ERC2: variants seen among roughly 807,000 people sequenced by gnomAD.
ERC2 encodes ERC protein 2.
A neutral mutation model predicts 114.8 loss-of-function variants in ERC2; 42 were observed. That is an observed-to-expected ratio of 0.37 (90% CI 0.29 to 0.47). ERC2 has a LOEUF of 0.47. Among genes scored for constraint, ERC2 ranks in the 20% least tolerant of loss-of-function variants. The pLI is 0.99. For missense variants in ERC2, 939 were observed against 1,150.7 expected, an observed-to-expected ratio of 0.82 and a Z score of 2.66; for synonymous variants, 454 against 425.5, an observed-to-expected ratio of 1.07 and a Z score of -0.82.
At chr3:56,334,714 T>G (rs1429630515) in intron 2 of ERC2, among the ~76,000 whole-genome samples, 3 of 152,226 alleles carry the variant, frequency 2.0e-5, no homozygotes, top group African/African-American at 7.2e-5. Context: ...TGATTGATAC[T>G]GATGGTGAAG....
chr3:56,054,477 A>T (rs535809556), intron 7 of ERC2, among the ~76,000 whole-genome samples: 1 of 152,344 alleles, frequency 6.6e-6, no homozygotes, highest in South Asian at 2.1e-4. Flanking sequence ...CATATATATG[A>T]TAGCATATTT....
intron 4 of ERC2, among the ~76,000 whole-genome samples, chr3:56,160,451 C>A (rs2081984810): frequency 6.6e-6 from 1 of 152,074 alleles, no homozygotes; most frequent in African/African-American, 2.4e-5. Context: ...TTAATAGTTT[C>A]TTCAGCTAAG....
intron 14 of ERC2, among the ~76,000 whole-genome samples, chr3:55,779,807 CTTT>C (rs1575579190): frequency 6.6e-6 from 1 of 152,118 alleles, no homozygotes; most frequent in East Asian, 1.9e-4. Flanking sequence ...AGCAGTTCTT[CTTT>C]ATCAGTGGTA....
At chr3:56,140,598 T>C (rs2080797842) in intron 5 of ERC2, among the ~76,000 whole-genome samples, 1 of 152,184 alleles carries the variant, frequency 6.6e-6, no homozygotes, top group African/African-American at 2.4e-5. Flanking sequence ...GTTCTGTTCT[T>C]AGGTTTTTTG....
At chr3:56,361,769 G>C (rs188921574) in intron 2 of ERC2, among the ~76,000 whole-genome samples, 5 of 152,320 alleles carry the variant, frequency 3.3e-5, no homozygotes, top group Admixed American at 6.5e-5. Flanking sequence ...GCAGGGACAG[G>C]GGTTAGGCCC....
intron 2 of ERC2, among the ~76,000 whole-genome samples, chr3:56,305,512 C>CCA (rs58751787): frequency 0.11 from 15,522 of 144,256 alleles, 835 homozygotes; most frequent in Admixed American, 0.15. Flanking sequence ...ACTCTCTTAT[C>CCA]CACACACACA....
intron 6 of ERC2, among the ~76,000 whole-genome samples, chr3:56,088,156 T>C (rs937389178): frequency 6.6e-6 from 1 of 152,122 alleles, no homozygotes; most frequent in African/African-American, 2.4e-5. Flanking sequence ...ACTTTCCAGA[T>C]GGTGGAGATA....
chr3:55,788,110 T>C (rs1559654667), intron 14 of ERC2, among the ~76,000 whole-genome samples: 1 of 152,194 alleles, frequency 6.6e-6, no homozygotes, highest in Non-Finnish European at 1.5e-5. Flanking sequence ...ACAGAACCAG[T>C]TAAACTCATT....
chr3:56,192,232 A>G (rs1417616862), intron 3 of ERC2, among the ~76,000 whole-genome samples: 1 of 152,166 alleles, frequency 6.6e-6, no homozygotes, highest in Non-Finnish European at 1.5e-5. Context: ...GCTCTCTAAC[A>G]TGACTCCACA....
intron 10 of ERC2, among the ~76,000 whole-genome samples, chr3:56,004,811 ATATTT>A (rs2072348203): frequency 6.6e-6 from 1 of 152,186 alleles, no homozygotes; most frequent in Admixed American, 6.6e-5. Context: ...GTAAACTTTT[ATATTT>A]AATTCACAAG....
chr3:56,188,114 C>T (rs1359978290), intron 3 of ERC2, among the ~76,000 whole-genome samples: 3 of 152,120 alleles, frequency 2.0e-5, no homozygotes, highest in South Asian at 4.2e-4. Flanking sequence ...CTGCAAGGAT[C>T]CCTGAGGTGT....
At chr3:55,732,630 T>G (rs1431940251) in intron 15 of ERC2, among the ~76,000 whole-genome samples, 1 of 152,194 alleles carries the variant, frequency 6.6e-6, no homozygotes, top group Non-Finnish European at 1.5e-5. Flanking sequence ...CCTTAAAAAT[T>G]CCTTACTGGG....
chr3:56,288,584 T>A lies in ERC2; in HGVS notation c.1074+7435A>T, dbSNP rs73832570. 3.2e-3 allele frequency among the ~76,000 whole-genome samples: 488 copies of A among 152,336 alleles called. 2 individuals are homozygous for A. The highest frequency in any genetic ancestry group is 0.011 in the African/African-American group (467 of 41,574). On this transcript the variant is annotated intron_variant, in intron 3 of 17. Coordinates refer to ENST00000288221, the MANE Select transcript of ERC2 (RefSeq NM_015576.3). Reference sequence around the variant, plus strand: ...TCAAACTTAAAAGAATGCATGAGAATTTAAAGATAAGGCAAATGATGCTAA... The same window carrying A: ...TCAAACTTAAAAGAATGCATGAGAAATTAAAGATAAGGCAAATGATGCTAA...
intron 12 of ERC2, among the ~76,000 whole-genome samples, chr3:55,980,091 A>G (rs2069975694): frequency 6.8e-6 from 1 of 147,802 alleles, no homozygotes; most frequent in East Asian, 2.0e-4. Flanking sequence ...CTATGTTTGC[A>G]CGAAGTGTAA....
At chr3:55,744,229 C>A (rs1236182385) in intron 14 of ERC2, among the ~76,000 whole-genome samples, 3 of 151,954 alleles carry the variant, frequency 2.0e-5, no homozygotes, top group Non-Finnish European at 4.4e-5. Context: ...ATGGTGAAAC[C>A]CCATCTCTAC....
chr3:55,954,775 A>G (rs764378761), intron 12 of ERC2, among the ~76,000 whole-genome samples: 1 of 152,126 alleles, frequency 6.6e-6, no homozygotes, highest in Non-Finnish European at 1.5e-5. Context: ...CCACCAAAGC[A>G]TGCCTTCCTT....
At chr3:55,732,881 T>C (rs1161523846) in intron 15 of ERC2, among the ~76,000 whole-genome samples, 1 of 152,164 alleles carries the variant, frequency 6.6e-6, no homozygotes, top group Non-Finnish European at 1.5e-5. Context: ...TTTATGGCCA[T>C]AGAGTACTGG....
At chr3:55,788,134 G>T (rs1015836227) in intron 14 of ERC2, among the ~76,000 whole-genome samples, 1 of 152,166 alleles carries the variant, frequency 6.6e-6, no homozygotes, top group Non-Finnish European at 1.5e-5. Context: ...CTTAATTACT[G>T]TTTAGGCCAA....
Position 55,631,408 on chromosome 3 carries a change from G to A in ERC2, c.*39+52386C>T, listed in dbSNP as rs146522298. On this transcript the variant is annotated intron_variant, in intron 17 of 17. Coordinates refer to ENST00000288221, the MANE Select transcript of ERC2 (RefSeq NM_015576.3). ...ATAACAGCCAATTCAGTGAAATCCA[G>A]GAGATTGCCCTTGGAGGAGGTTGTG... Among the ~76,000 whole-genome samples the A allele has an allele frequency of 2.6e-3, 391 of 152,294 alleles. 2 individuals are homozygous for A. The highest frequency in any genetic ancestry group is 8.6e-3 in the African/African-American group (359 of 41,572).
Sources: gnomAD v4.1 joint callset for allele counts (sites outside exome capture counted in the v4.1 genomes callset) on GRCh38, gnomAD v4.1.1 for gene constraint, MANE v1.5 for transcripts, NCBI Gene and HGNC (gene_info 2026-07-23, HGNC 2026-07-21) for gene names.